The following CERS6 variants were observed in gnomAD, a reference collection of about 807,000 sequenced individuals.
The protein encoded by CERS6 is LAG1 homolog, ceramide synthase 6.
In CERS6, 26 loss-of-function variants were observed where a neutral mutation model predicts 56.8. The observed-to-expected ratio is 0.46, with a 90% CI of 0.34 to 0.63. CERS6 has a LOEUF of 0.63. Among genes scored for constraint, CERS6 ranks in the 30% least tolerant of loss-of-function variants. The pLI is 0.01. For synonymous variants in CERS6, 164 were observed against 173.3 expected, an observed-to-expected ratio of 0.95 and a Z score of 0.42; for missense variants, 415 against 467.5, an observed-to-expected ratio of 0.89 and a Z score of 1.04.
chr2:168,562,726 C>T (rs1695813990), intron 3 of CERS6, among the ~76,000 whole-genome samples: 1 of 152,194 alleles, frequency 6.6e-6, no homozygotes, highest in African/African-American at 2.4e-5. Flanking sequence ...TATACTGAGA[C>T]ATTCAGTTCC....
chr2:168,577,124 G>C (rs184006242), intron 3 of CERS6, among the ~76,000 whole-genome samples: 3 of 152,160 alleles, frequency 2.0e-5, no homozygotes, highest in Non-Finnish European at 4.4e-5. Flanking sequence ...GTAAAGCCTC[G>C]AGACGGTGCG....
chr2:168,546,511 T>A (rs1009453338), intron 1 of CERS6, among the ~76,000 whole-genome samples: 2 of 152,228 alleles, frequency 1.3e-5, no homozygotes, highest in Non-Finnish European at 2.9e-5. Context: ...TAGGATATTA[T>A]GTGGTACTTT....
intron 3 of CERS6, among the ~76,000 whole-genome samples, chr2:168,602,985 A>G (rs1268796262): frequency 1.3e-5 from 2 of 152,198 alleles, no homozygotes; most frequent in African/African-American, 2.4e-5. Context: ...AAATGTGTAG[A>G]TTATCTGCCT....
At chr2:168,477,173 CAGAGAGAGAGAGAGAGAGAGAGAG>C (rs10609883) in intron 1 of CERS6, among the ~76,000 whole-genome samples, 164 of 115,532 alleles carry the variant, frequency 1.4e-3, no homozygotes, top group Non-Finnish European at 2.2e-3. Flanking sequence ...GAGGGAGAGA[CAGAGAGAGAGAGAGAGAGAGAGAG>C]AGAGAGAGAG....
intron 6 of CERS6, among the ~76,000 whole-genome samples, chr2:168,710,527 T>C (rs1687063781): frequency 6.6e-6 from 1 of 152,220 alleles, no homozygotes; most frequent in Non-Finnish European, 1.5e-5. Flanking sequence ...AAAATATTAG[T>C]TGAAAGGTAA....
At chr2:168,574,276 T>C (rs1031337061) in intron 3 of CERS6, among the ~76,000 whole-genome samples, 1 of 152,174 alleles carries the variant, frequency 6.6e-6, no homozygotes, top group Non-Finnish European at 1.5e-5. Flanking sequence ...CCTGGCTAAA[T>C]CTTTGGCGTA....
intron 8 of CERS6, among the ~76,000 whole-genome samples, chr2:168,726,836 A>G (rs922836726): frequency 3.3e-5 from 5 of 152,236 alleles, no homozygotes; most frequent in African/African-American, 1.2e-4. Context: ...CTACTAGTCT[A>G]TATTAAGGAA....
At chr2:168,461,481 AGTGGTC>A (rs1558958221) in intron 1 of CERS6, among the ~76,000 whole-genome samples, 1 of 148,598 alleles carries the variant, frequency 6.7e-6, no homozygotes, top group African/African-American at 2.5e-5. Context: ...AAAAAAAAAA[AGTGGTC>A]TGCAGACATA....
At chr2:168,506,421 T>C (rs1170697051) in intron 1 of CERS6, among the ~76,000 whole-genome samples, 1 of 152,232 alleles carries the variant, frequency 6.6e-6, no homozygotes, top group Non-Finnish European at 1.5e-5. Flanking sequence ...ACTAGATCAG[T>C]GTCCAGGTGT....
chr2:168,645,140 TATAGAGAGAGAGAGAGAGAGAG>T (rs1456844121), intron 4 of CERS6, among the ~76,000 whole-genome samples: 1 of 23,656 alleles, frequency 4.2e-5, no homozygotes, highest in Admixed American at 6.4e-4. Context: ...TATATATATA[TATAGAGAGAGAGAGAGAGAGAG>T]AGAGAGAGAG....
At chr2:168,764,521 C>G (rs1304601313) in intron 8 of CERS6, among the ~76,000 whole-genome samples, 10 of 152,114 alleles carry the variant, frequency 6.6e-5, no homozygotes, top group Admixed American at 6.5e-4. Flanking sequence ...TGATGTATTT[C>G]AATTATCAGT....
rs564985376 is a variant in CERS6 at position 168,462,785 on chromosome 2, C to T, written c.170+6167C>T. ...CTGGCCTCAAGTGATCCTCCCATTT[C>T]GACCTCCCAAAGCACTGGGATTACA... is the stretch of plus-strand genomic sequence containing the variant. On this transcript the variant is annotated intron_variant, in intron 1 of 9. Transcript: ENST00000305747. 3.9e-5 allele frequency among the ~76,000 whole-genome samples: 6 copies of T among 152,256 alleles called. No individual in the cohort carries two copies. In the South Asian group the frequency reaches 1.0e-3, roughly 26 times the overall value.
chr2:168,676,999 C>CTT (rs59600302), intron 4 of CERS6, among the ~76,000 whole-genome samples: 1 of 96,690 alleles, frequency 1.0e-5, no homozygotes, highest in African/African-American at 3.8e-5. Flanking sequence ...TTTTTTGGGG[C>CTT]TTTTTTTTTT....
chr2:168,548,193 G>T (rs1375087011), intron 2 of CERS6, among the ~76,000 whole-genome samples: 3 of 152,198 alleles, frequency 2.0e-5, no homozygotes, highest in Non-Finnish European at 4.4e-5. Flanking sequence ...ATTGTACCAT[G>T]AAGTTATGAA....
At position 168,694,962 on chromosome 2, in the gene CERS6, C is replaced by T; in HGVS notation, c.520C>T (p.Leu174Phe). 1 of 1,612,826 alleles carries T rather than the reference C, an allele frequency of 6.2e-7. No individual in the cohort carries two copies. ...CTTTTTTTTCTTTCACCTTCAGCCA[C>T]TCACAACTGACCTTCACTACTATTA... ...HCWYNYPYQP[L>F]TTDLHYYYIL... Residue 174 changes from leucine to phenylalanine, a missense_variant, in exon 6 of 10, where the codon CTC (leucine) becomes TTC (phenylalanine). Transcript: ENST00000305747.
chr2:168,537,662 C>T (rs1695289267), intron 1 of CERS6, among the ~76,000 whole-genome samples: 1 of 152,050 alleles, frequency 6.6e-6, no homozygotes, highest in Admixed American at 6.6e-5. Context: ...TTGGAGTCAC[C>T]TTAGGGTTTA....
At chr2:168,575,605 C>T (rs1683244057) in intron 3 of CERS6, among the ~76,000 whole-genome samples, 1 of 152,146 alleles carries the variant, frequency 6.6e-6, no homozygotes, top group South Asian at 2.1e-4. Flanking sequence ...ACCTTGTAAG[C>T]ACATAATAAA....
rs1483607914 is a variant in CERS6, at chr2:168,773,473, T to C, written c.*3811T>C. ...CTTTGTAGATAAATAATAATAGCCC[T>C]GAGATGTTTCTAACATTTAAATAAG... On this transcript the variant is annotated 3_prime_UTR_variant, in exon 10 of 10. Transcript: ENST00000305747. 6.6e-6 allele frequency: 1 copy of C among 152,176 alleles called. No homozygotes were observed. Among genetic ancestry groups the C allele is most frequent in the Non-Finnish European group, 1.5e-5 (1 of 68,032 alleles). The allele number at this position is 152,176 out of a possible 1,614,324, so 9.4% of individuals were successfully genotyped here.
chr2:168,661,194 A>G (rs1196852701), intron 4 of CERS6, among the ~76,000 whole-genome samples: 1 of 152,196 alleles, frequency 6.6e-6, no homozygotes, highest in Non-Finnish European at 1.5e-5. Flanking sequence ...AAATCCAAGT[A>G]TAGTTGTATC....
Sources: gnomAD v4.1 joint callset for allele counts (sites outside exome capture counted in the v4.1 genomes callset) on GRCh38, gnomAD v4.1.1 for gene constraint, MANE v1.5 for transcripts, NCBI Gene and HGNC (gene_info 2026-07-23, HGNC 2026-07-21) for gene names.